The following EML5 variants were observed in gnomAD, a reference collection of about 807,000 sequenced individuals.
EML5 encodes the protein echinoderm microtubule-associated protein-like 5.
A neutral mutation model predicts 250.0 loss-of-function variants in EML5; 120 were observed. That is an observed-to-expected ratio of 0.48 (90% confidence interval 0.41 to 0.56). The LOEUF is 0.56. Ranked by LOEUF, EML5 falls within the 20% of genes least tolerant of loss-of-function variation. EML5 has a pLI of 0.00. For missense variants in EML5, 2,006 were observed against 2,437.6 expected (o/e 0.82, Z 3.73); for synonymous variants, 771 against 806.5 (o/e 0.96, Z 0.75).
At chr14:88,708,035 T>C (rs942515911) in intron 10 of EML5, among the ~76,000 whole-genome samples, 1 of 152,182 alleles carries the variant, frequency 6.6e-6, no homozygotes, top group Admixed American at 6.5e-5. Flanking sequence ...TACCGAGTGA[T>C]AGAGAGAGGT....
chr14:88,632,437 C>T (rs2090491361), intron 33 of EML5, among the ~76,000 whole-genome samples: 2 of 152,202 alleles, frequency 1.3e-5, no homozygotes, highest in African/African-American at 4.8e-5. Context: ...AGCCTCTGCA[C>T]TTAGCATGAA....
chr14:88,659,326 TCAGCCTCC>T (rs1315809355), intron 25 of EML5, among the ~76,000 whole-genome samples: 1 of 151,880 alleles, frequency 6.6e-6, no homozygotes, highest in Non-Finnish European at 1.5e-5. Context: ...TTCTTCTACC[TCAGCCTCC>T]CAAGTAGCTG....
At chr14:88,671,214 G>A (rs1237038327) in intron 21 of EML5, among the ~76,000 whole-genome samples, 1 of 152,226 alleles carries the variant, frequency 6.6e-6, no homozygotes, top group Non-Finnish European at 1.5e-5. Context: ...AGACCTCTCA[G>A]CAGAAGCCCT....
chr14:88,684,529 A>T (rs141457734), intron 20 of EML5, among the ~76,000 whole-genome samples: 4 of 149,474 alleles, frequency 2.7e-5, no homozygotes, highest in African/African-American at 9.9e-5. Context: ...ATTTTAGCAT[A>T]CATTTTTATT....
intron 14 of EML5, among the ~76,000 whole-genome samples, chr14:88,702,103 T>C (rs1174798736): frequency 1.3e-5 from 2 of 152,174 alleles, no homozygotes; most frequent in Non-Finnish European, 2.9e-5. Flanking sequence ...TTAAATAATT[T>C]ACATTTGTTT....
Position 88,704,988 on chromosome 14 carries a change from T to C in EML5, c.1933-10A>G, listed in dbSNP as rs745856524. On this transcript the variant is annotated splice_polypyrimidine_tract_variant and intron_variant, in intron 12 of 43. Transcript: ENST00000554922. ...GATCTTCTTTGTAAACCTTTAAAAA[T>C]GTATACAAGTAGAAATATTCTTAGA... The C allele has an allele frequency of 1.0e-5, 16 of 1,545,368 alleles. No homozygotes were observed. The South Asian group carries it at 1.7e-4, about 16-fold the overall frequency.
chr14:88,775,290 G>A (rs1162827349), intron 1 of EML5, among the ~76,000 whole-genome samples: 1 of 152,142 alleles, frequency 6.6e-6, no homozygotes, highest in Non-Finnish European at 1.5e-5. Flanking sequence ...CATAGGGGTG[G>A]GTAGATCACC....
At chr14:88,779,309 A>G (rs1595871614) in intron 1 of EML5, among the ~76,000 whole-genome samples, 1 of 152,234 alleles carries the variant, frequency 6.6e-6, no homozygotes, top group East Asian at 1.9e-4. Context: ...CAGAAGTTTA[A>G]ATATAGCACA....
At chr14:88,651,028 T>G (rs2140805921) in intron 27 of EML5, among the ~76,000 whole-genome samples, 1 of 152,264 alleles carries the variant, frequency 6.6e-6, no homozygotes, top group African/African-American at 2.4e-5. Flanking sequence ...CCATGAACCA[T>G]ATTATCTCCT....
rs1566685126 is a variant in EML5 at position 88,714,982 on chromosome 14, C to T, written c.1401G>A (p.Gln467=). ...GTCTTTTCCCATTTCCATCATTTGT[C>T]TGCAAATATCTACTGTCTGAAGACC... ...LDWSSDSRYL[Q]TNDGNGKRLF... The change falls in exon 9 of 44, where the codon CAG becomes CAA. Residue 467 remains glutamine, a synonymous_variant. Transcript: ENST00000554922. 1 of 1,612,804 alleles carries T rather than the reference C, an allele frequency of 6.2e-7. No individual in the cohort carries two copies. Among genetic ancestry groups the T allele is most frequent in the Non-Finnish European group, 8.5e-7 (1 of 1,179,578 alleles).
chr14:88,780,106 C>G (rs1249238002), intron 1 of EML5, among the ~76,000 whole-genome samples: 1 of 152,088 alleles, frequency 6.6e-6, no homozygotes, highest in Non-Finnish European at 1.5e-5. Flanking sequence ...AGCACACCAC[C>G]ACATCCAGCT....
At chr14:88,630,455 C>T (rs915028738) in intron 33 of EML5, among the ~76,000 whole-genome samples, 3 of 152,178 alleles carry the variant, frequency 2.0e-5, no homozygotes, top group Non-Finnish European at 4.4e-5. Context: ...TACATCCTTT[C>T]TTCCTACCAA....
At chr14:88,616,620 A>C in intron 42 of EML5, 106 bp downstream of exon 42, 1 of 1,205,084 alleles carries the variant, frequency 8.3e-7, no homozygotes, top group Non-Finnish European at 1.1e-6. Flanking sequence ...TTGGGGAAAA[A>C]TTTAGAAATT....
intron 40 of EML5, 129 bp from the exon 41 acceptor site, chr14:88,618,460 C>G: frequency 9.2e-7 from 1 of 1,092,538 alleles, no homozygotes; most frequent in South Asian, 1.6e-5. Context: ...TGCAAAAGAT[C>G]ACTACAAAAA....
intron 8 of EML5, among the ~76,000 whole-genome samples, chr14:88,724,135 C>T (rs909846931): frequency 6.6e-5 from 10 of 150,636 alleles, no homozygotes; most frequent in African/African-American, 2.4e-4. Context: ...AATAGCTTGG[C>T]GTGGTGGCAC....
At chr14:88,689,288 G>A (rs2092906012) in intron 17 of EML5, among the ~76,000 whole-genome samples, 1 of 151,962 alleles carries the variant, frequency 6.6e-6, no homozygotes, top group Non-Finnish European at 1.5e-5. Flanking sequence ...AGATCAGAGA[G>A]GTATCAGCTC....
intron 1 of EML5, among the ~76,000 whole-genome samples, chr14:88,761,770 AC>A (rs1182193950): frequency 6.6e-6 from 1 of 152,222 alleles, no homozygotes; most frequent in African/African-American, 2.4e-5. Flanking sequence ...AGGAATCACC[AC>A]ACTGTCTTCC....
At chr14:88,670,075 G>A (rs556248470) in intron 21 of EML5, among the ~76,000 whole-genome samples, 20 of 152,064 alleles carry the variant, frequency 1.3e-4, no homozygotes, top group African/African-American at 3.9e-4. Flanking sequence ...CAGCACTTTT[G>A]GGAGGCCGAG....
rs749067130 is a variant in EML5 at position 88,638,781 on chromosome 14, T to G, written c.4336+28A>C. 3 of 1,501,372 alleles carry G rather than the reference T, an allele frequency of 2.0e-6. No individual in the cohort carries two copies. In the African/African-American group the frequency reaches 4.2e-5, roughly 21 times the overall value. 93.0% of individuals were successfully genotyped at this position (1,501,372 alleles called of 1,614,324 possible). ...TTTGAACAAAGCAAATGCTTTAAAT[T>G]GTTTCTTTTTAAAATACAGAAACAT... On this transcript the variant is annotated intron_variant, in intron 32 of 43. Coordinates refer to ENST00000554922, the MANE Select transcript of EML5 (RefSeq NM_183387.3).
Sources: allele counts gnomAD v4.1 joint callset (sites outside exome capture counted in the v4.1 genomes callset), GRCh38; gene constraint gnomAD v4.1.1; transcripts MANE v1.5; gene names NCBI Gene and HGNC (gene_info 2026-07-23, HGNC 2026-07-21).